The following MYLK4 variants were observed in gnomAD, a reference collection of about 807,000 sequenced individuals.
The protein encoded by MYLK4 is myosin light chain kinase family member 4.
In MYLK4, 46 loss-of-function variants were observed where a neutral mutation model predicts 48.1. That is an observed-to-expected ratio of 0.96 (90% CI 0.75 to 1.22). The LOEUF is 1.22. MYLK4 is among the 50% of genes most tolerant of loss of function. MYLK4 has a pLI of 0.00. For missense variants in MYLK4, 451 were observed against 486.1 expected, an observed-to-expected ratio of 0.93 and a Z score of 0.68; for synonymous variants, 170 against 180.8, an observed-to-expected ratio of 0.94 and a Z score of 0.48.
intron 2 of MYLK4, among the ~76,000 whole-genome samples, chr6:2,701,280 T>C (rs1274881899): frequency 4.6e-5 from 7 of 152,148 alleles, no homozygotes; most frequent in Admixed American, 3.9e-4. Flanking sequence ...TTAAGATCAT[T>C]TTTTATCACT....
At position 2,725,593 on chromosome 6, in the gene MYLK4, A is replaced by AAGAAAGAAAAAGAAAG. The variant is rs1561868221; in HGVS notation, c.159+23542_159+23543insCTTTCTTTTTCTTTCT. On this transcript the variant is annotated intron_variant, in intron 2 of 12. Transcript: ENST00000274643. ...AAAGAAAGAAAAAGAAAGAGAAAGA[A>AAGAAAGAAAAAGAAAG]AGAAAGAAAGAAACAAACAAACAAA... is the stretch of plus-strand genomic sequence containing the variant. 6.6e-3 allele frequency among the ~76,000 whole-genome samples: 944 copies of AAGAAAGAAAAAGAAAG among 143,482 alleles called. 13 individuals are homozygous for AAGAAAGAAAAAGAAAG. Among genetic ancestry groups the AAGAAAGAAAAAGAAAG allele is most frequent in the African/African-American group, 0.025 (903 of 36,536 alleles). The allele number at this position is 143,482 out of a possible 152,430, so 94.1% of individuals were successfully genotyped here. A position where few individuals can be genotyped will look rare whatever the true frequency, so the allele number is the denominator to read the frequency against.
the MYLK4 span, chr6:2,768,984 C>G: frequency 1.4e-5 from 17 of 1,207,910 alleles, no homozygotes; most frequent in Non-Finnish European, 1.9e-5. Flanking sequence ...GCTTTGTTTA[C>G]AAAGAAGCGT....
chr6:2,671,027 T>C (rs548552428), intron 12 of MYLK4, among the ~76,000 whole-genome samples: 1 of 152,052 alleles, frequency 6.6e-6, no homozygotes, highest in Admixed American at 6.5e-5. Flanking sequence ...GCTTGAATGA[T>C]CTCGTGGGAG....
Position 2,729,180 on chromosome 6 carries a change from C to T in MYLK4, c.159+19956G>A, listed in dbSNP as rs531068258. The stretch of plus-strand genomic sequence containing the variant: ...CCAGCCCCACTTACAGGCCATGCCC[C>T]TATTATCATGCAAATAAAAATACAG... On this transcript the variant is annotated intron_variant, in intron 2 of 12. Coordinates refer to ENST00000274643, the MANE Select transcript of MYLK4 (RefSeq NM_001012418.5). Among the ~76,000 whole-genome samples the T allele has an allele frequency of 4.6e-5, 7 of 152,210 alleles. No individual in the cohort carries two copies. The South Asian group carries it at 6.2e-4, about 14-fold the overall frequency.
the MYLK4 span, among the ~76,000 whole-genome samples, chr6:2,766,946 T>G: frequency 2.0e-5 from 3 of 152,384 alleles, no homozygotes; most frequent in East Asian, 5.8e-4. Context: ...TATTTATTCT[T>G]AAGAATAAGT....
At chr6:2,725,548 A>C (rs966011071) in intron 2 of MYLK4, among the ~76,000 whole-genome samples, 1 of 140,640 alleles carries the variant, frequency 7.1e-6, no homozygotes, top group Admixed American at 7.2e-5. Context: ...AGAAAGAAAC[A>C]AAGAAACAAA....
the MYLK4 span, chr6:2,766,207 A>C: frequency 6.9e-7 from 1 of 1,447,442 alleles, no homozygotes; most frequent in Non-Finnish European, 9.1e-7. Context: ...ACGCTGCCGA[A>C]GCCGCCACCG....
At chr6:2,746,533 C>T (rs555269127) in intron 2 of MYLK4, among the ~76,000 whole-genome samples, 2 of 152,142 alleles carry the variant, frequency 1.3e-5, no homozygotes, top group South Asian at 2.1e-4. Flanking sequence ...AAATTCTTCC[C>T]CTATTGGGAC....
At chr6:2,763,002 G>A in the MYLK4 span, among the ~76,000 whole-genome samples, 16 of 152,260 alleles carry the variant, frequency 1.1e-4, no homozygotes, top group Admixed American at 2.0e-4. Flanking sequence ...ACAAGCAAAA[G>A]AAAGCCAAGC....
At chr6:2,740,499 G>A (rs1031668712) in intron 2 of MYLK4, among the ~76,000 whole-genome samples, 1 of 152,216 alleles carries the variant, frequency 6.6e-6, no homozygotes, top group Non-Finnish European at 1.5e-5. Flanking sequence ...CCAATTGCCT[G>A]CTTCAGTCCT....
At chr6:2,697,886 T>C (rs550483843) in intron 2 of MYLK4, among the ~76,000 whole-genome samples, 59 of 152,138 alleles carry the variant, frequency 3.9e-4, no homozygotes, top group Admixed American at 6.5e-4. Context: ...GGTGAAGCAA[T>C]GCGTGATGAA....
In MYLK4 at chr6:2,713,033, A is replaced by C. The variant is rs149553338; in HGVS notation, c.160-20174T>G. Among the ~76,000 whole-genome samples, 919 of 152,296 alleles carry C rather than the reference A, an allele frequency of 6.0e-3. 7 individuals carry two copies. Among genetic ancestry groups the C allele is most frequent in the African/African-American group, 0.021 (869 of 41,556 alleles). ...TCCATTGGATCCAAAGATTATTGTG[A>C]GGCCAAGATACAGTGACACATGTGA... On this transcript the variant is annotated intron_variant, in intron 2 of 12. Transcript: ENST00000274643.
At chr6:2,683,423 G>C (rs1200788633) in intron 6 of MYLK4, among the ~76,000 whole-genome samples, 1 of 138,942 alleles carries the variant, frequency 7.2e-6, no homozygotes, top group Non-Finnish European at 1.5e-5. Context: ...GTGTGTGTGT[G>C]TGTGTGTGTG....
At chr6:2,688,369 C>T (rs1179541629) in intron 4 of MYLK4, among the ~76,000 whole-genome samples, 2 of 152,280 alleles carry the variant, frequency 1.3e-5, no homozygotes, top group East Asian at 3.9e-4. Context: ...TTTAATCTTC[C>T]TTCTTTAGGG....
In MYLK4 at chr6:2,673,137, A is replaced by G. The variant is rs773776299; in HGVS notation, c.1120-1789T>C. On this transcript the variant is annotated intron_variant, in intron 11 of 12. Transcript: ENST00000274643. The surrounding 1 kb of genome is among the most constrained non-coding windows in gnomAD (Gnocchi z 4.2). ...TCTTAAACACTTTTTAAACTGTACA[A>G]TGTCATTAATTATCTGCTGTGGTTT... Among the ~76,000 whole-genome samples the G allele has an allele frequency of 1.3e-5, 2 of 152,230 alleles. No individual in the cohort carries two copies. The highest frequency in any genetic ancestry group is 2.9e-5 in the Non-Finnish European group (2 of 68,044).
Position 2,678,194 on chromosome 6 carries a change from C to A in MYLK4, c.1040+26G>T, listed in dbSNP as rs780035179. ...GCTTCCTTATCATCCCTACTGCGCC[C>A]GGAGCACAGGACGAACTTGCGTTAC... On this transcript the variant is annotated intron_variant, in intron 10 of 12. Coordinates refer to ENST00000274643, the MANE Select transcript of MYLK4 (RefSeq NM_001012418.5). 16 of 1,610,096 alleles carry A rather than the reference C, an allele frequency of 9.9e-6. No individual in the cohort carries two copies. In the Admixed American group the frequency reaches 2.2e-4, roughly 22 times the overall value.
the MYLK4 span, among the ~76,000 whole-genome samples, chr6:2,761,316 A>C: frequency 1.3e-5 from 2 of 152,346 alleles, no homozygotes; most frequent in Non-Finnish European, 2.9e-5. Context: ...TTTCTGCTTT[A>C]CATTGATTTC....
chr6:2,684,608 A>G (rs1582040326), intron 6 of MYLK4, among the ~76,000 whole-genome samples: 2 of 152,222 alleles, frequency 1.3e-5, no homozygotes. Context: ...CCAAAAAACA[A>G]TAAAAATTGA....
At chr6:2,748,184 T>C (rs931824682) in intron 2 of MYLK4, among the ~76,000 whole-genome samples, 2 of 152,238 alleles carry the variant, frequency 1.3e-5, no homozygotes, top group African/African-American at 4.8e-5. Context: ...TCAAAAATAA[T>C]GGTTCCCAGC....
Sources: allele counts gnomAD v4.1 joint callset (sites outside exome capture counted in the v4.1 genomes callset), GRCh38; gene constraint gnomAD v4.1.1; non-coding constraint Gnocchi (gnomAD v3.1); transcripts MANE v1.5; gene names NCBI Gene and HGNC (gene_info 2026-07-23, HGNC 2026-07-21).